The following RBFOX1 variants were observed in gnomAD, a reference collection of about 807,000 sequenced individuals.
RBFOX1 encodes the protein RNA binding fox-1 homolog 1, also known as RNA binding protein fox-1 homolog 1.
A neutral mutation model predicts 57.7 loss-of-function variants in RBFOX1; 8 were observed. The ratio of observed to expected loss-of-function variants is 0.14; its 90% CI spans 0.08 to 0.25. The LOEUF is 0.25. Among genes scored for constraint, RBFOX1 ranks in the 10% least tolerant of loss-of-function variants. The pLI, the probability that RBFOX1 is intolerant of heterozygous loss-of-function variation, is 1.00. For missense variants in RBFOX1, 611 were observed against 548.5 expected (o/e 1.11, Z -1.14); for synonymous variants, 326 against 222.4 (o/e 1.47, Z -4.15).
chr16:5,644,550 A>G (rs927127661), intron 3 of RBFOX1, among the ~76,000 whole-genome samples: 4 of 152,192 alleles, frequency 2.6e-5, no homozygotes, highest in Non-Finnish European at 4.4e-5. Context: ...TTAGTCTGAG[A>G]TACATTGCAG....
intron 3 of RBFOX1, among the ~76,000 whole-genome samples, chr16:6,922,024 G>A (rs1237627933): frequency 6.6e-6 from 1 of 152,146 alleles, no homozygotes; most frequent in East Asian, 1.9e-4. Flanking sequence ...GCTATTTAAT[G>A]TATATAACTG....
At position 7,352,005 on chromosome 16, in the gene RBFOX1, C is replaced by T. The variant is rs539697143; in HGVS notation, c.28-166142C>T. On this transcript the variant is annotated intron_variant, in intron 4 of 15. Coordinates refer to ENST00000550418, the MANE Select transcript of RBFOX1 (RefSeq NM_018723.4). The stretch of plus-strand genomic sequence containing the variant: ...AAGGAGGGGCTCCTGCAGAGTGATT[C>T]GTGGGCTCAGTTCTTGACTTGGGGT... Among the ~76,000 whole-genome samples the T allele has an allele frequency of 2.2e-3, 329 of 152,260 alleles. 3 individuals are homozygous for T. The highest frequency in any genetic ancestry group is 3.4e-3 in the Non-Finnish European group (232 of 68,026).
chr16:7,663,577 G>C (rs1240374595), intron 12 of RBFOX1, among the ~76,000 whole-genome samples: 1 of 151,570 alleles, frequency 6.6e-6, no homozygotes, highest in African/African-American at 2.4e-5. Context: ...CTTACATGTG[G>C]GTTCATTCTG....
intron 3 of RBFOX1, among the ~76,000 whole-genome samples, chr16:6,669,474 CTTTG>C (rs956538440): frequency 6.6e-6 from 1 of 151,540 alleles, no homozygotes; most frequent in African/African-American, 2.4e-5. Context: ...TTCATATTTT[CTTTG>C]TTTTTTTCCA....
At chr16:6,084,689 G>A (rs1278844394) in intron 1 of RBFOX1, among the ~76,000 whole-genome samples, 1 of 152,130 alleles carries the variant, frequency 6.6e-6, no homozygotes, top group African/African-American at 2.4e-5. Flanking sequence ...TGCTCTATCG[G>A]GATTCCTTGG....
intron 3 of RBFOX1, among the ~76,000 whole-genome samples, chr16:5,852,854 A>G (rs1025747348): frequency 2.0e-5 from 3 of 151,868 alleles, no homozygotes; most frequent in Non-Finnish European, 4.4e-5. Flanking sequence ...AGGATTTGGG[A>G]TATGGGTGGA....
chr16:6,620,129 A>G (rs2098206447), intron 2 of RBFOX1, among the ~76,000 whole-genome samples: 1 of 152,136 alleles, frequency 6.6e-6, no homozygotes, highest in African/African-American at 2.4e-5. Flanking sequence ...TTTAGGTTAA[A>G]CTGAAATCAT....
chr16:5,594,110 G>A (rs2047103461), intron 2 of RBFOX1, among the ~76,000 whole-genome samples: 2 of 152,060 alleles, frequency 1.3e-5, no homozygotes, highest in African/African-American at 4.8e-5. Flanking sequence ...AACTCATCAT[G>A]CACCCAGAAC....
At chr16:7,567,797 CTA>C (rs1567870667) in intron 5 of RBFOX1, among the ~76,000 whole-genome samples, 1 of 146,384 alleles carries the variant, frequency 6.8e-6, no homozygotes. Context: ...ATATGTATAC[CTA>C]TATATATCCC....
In RBFOX1 at chr16:7,493,568, CAG is replaced by C. The variant is rs571235395; in HGVS notation, c.28-24576_28-24575del. 1.9e-3 allele frequency among the ~76,000 whole-genome samples: 280 copies of C among 148,604 alleles called. 2 individuals carry two copies. The highest frequency in any genetic ancestry group is 6.6e-3 in the African/African-American group (269 of 40,508). ...ACAACAGTACTTACAAGGGGGAACACAGAGGTGTAGAGTCAGAGTCAGAGAGG... is the reference window on the plus strand; with the variant it reads ...ACAACAGTACTTACAAGGGGGAACACAGGTGTAGAGTCAGAGTCAGAGAGG... On this transcript the variant is annotated intron_variant, in intron 4 of 15. Transcript: ENST00000550418.
At chr16:7,016,237 T>C (rs369910951) in intron 3 of RBFOX1, among the ~76,000 whole-genome samples, 9 of 152,256 alleles carry the variant, frequency 5.9e-5, no homozygotes, top group South Asian at 2.1e-4. Context: ...CAAGTAATTA[T>C]GTGGAACGGG....
At chr16:7,294,199 C>T (rs1255515854) in intron 4 of RBFOX1, among the ~76,000 whole-genome samples, 3 of 152,062 alleles carry the variant, frequency 2.0e-5, no homozygotes, top group East Asian at 3.9e-4. Flanking sequence ...TAGGAGAAAT[C>T]ACCACTTAGC....
intron 2 of RBFOX1, among the ~76,000 whole-genome samples, chr16:6,470,531 C>G (rs1396331623): frequency 6.6e-6 from 1 of 152,196 alleles, no homozygotes; most frequent in Non-Finnish European, 1.5e-5. Context: ...CTTCAGCTCT[C>G]TATGTGCATG....
chr16:5,392,308 A>G (rs1194568082), intron 1 of RBFOX1, among the ~76,000 whole-genome samples: 3 of 152,154 alleles, frequency 2.0e-5, no homozygotes. Flanking sequence ...AAAAAATAAA[A>G]TAAGGGCATA....
At chr16:5,828,916 C>G (rs948485816) in intron 3 of RBFOX1, among the ~76,000 whole-genome samples, 1 of 152,202 alleles carries the variant, frequency 6.6e-6, no homozygotes, top group African/African-American at 2.4e-5. Flanking sequence ...TACCGTTTCA[C>G]TGTTTCTGTG....
intron 1 of RBFOX1, among the ~76,000 whole-genome samples, chr16:6,074,895 C>A (rs970785820): frequency 2.0e-4 from 31 of 152,058 alleles, no homozygotes; most frequent in African/African-American, 6.5e-4. Context: ...GAGGCCAGGA[C>A]TTTGAGACCA....
chr16:7,570,027 A>C (rs1408862603), intron 5 of RBFOX1, among the ~76,000 whole-genome samples: 2 of 152,202 alleles, frequency 1.3e-5, no homozygotes, highest in African/African-American at 2.4e-5. Flanking sequence ...TTCAGTTTCC[A>C]TATGGAGATG....
intron 1 of RBFOX1, among the ~76,000 whole-genome samples, chr16:5,463,328 G>A (rs1049060009): frequency 2.0e-5 from 3 of 152,120 alleles, no homozygotes; most frequent in African/African-American, 7.2e-5. Flanking sequence ...CATGAAGTGC[G>A]TTGCTTTTCA....
chr16:7,155,489 G>T (rs1318377401), intron 4 of RBFOX1, among the ~76,000 whole-genome samples: 1 of 151,398 alleles, frequency 6.6e-6, no homozygotes, highest in Non-Finnish European at 1.5e-5. Context: ...TCAGCTCCTT[G>T]GGAGGCTAAA....
Sources: allele counts gnomAD v4.1 joint callset (sites outside exome capture counted in the v4.1 genomes callset), GRCh38; gene constraint gnomAD v4.1.1; transcripts MANE v1.5; gene names NCBI Gene and HGNC (gene_info 2026-07-23, HGNC 2026-07-21).